The following CLEC9A variants were observed in gnomAD, a reference collection of about 807,000 sequenced individuals.
CLEC9A encodes the protein C-type lectin domain family 9 member A.
In CLEC9A, 24 loss-of-function variants were observed where a neutral mutation model predicts 30.0. The observed-to-expected ratio is 0.80, with a 90% CI of 0.58 to 1.13. The LOEUF (loss-of-function observed/expected upper bound fraction) is 1.13. Among genes scored for constraint, CLEC9A ranks in the 50% most tolerant of loss-of-function variants. The pLI, the probability that CLEC9A is intolerant of heterozygous loss-of-function variation, is 0.00. For synonymous variants in CLEC9A, 111 were observed against 96.8 expected (o/e 1.15, Z -0.86); for missense variants, 251 against 280.9 (o/e 0.89, Z 0.76).
chr12:10,050,965 G>T (rs538562529), intron 2 of CLEC9A, among the ~76,000 whole-genome samples: 2 of 152,278 alleles, frequency 1.3e-5, no homozygotes, highest in Admixed American at 6.5e-5. Context: ...AGCACTTTGG[G>T]AGGCCGAGGA....
At chr12:10,051,326 C>T (rs971183819) in intron 2 of CLEC9A, among the ~76,000 whole-genome samples, 1 of 152,106 alleles carries the variant, frequency 6.6e-6, no homozygotes, top group Non-Finnish European at 1.5e-5. Flanking sequence ...CTCAAATGAA[C>T]GCATTATCAG....
chr12:10,058,337 C>T (rs1865961231), intron 5 of CLEC9A, among the ~76,000 whole-genome samples: 1 of 152,088 alleles, frequency 6.6e-6, no homozygotes, highest in Admixed American at 6.6e-5. Context: ...CACTGTTCTA[C>T]ACTTGACTCT....
chr12:10,036,059 T>C (rs1049729274), intron 1 of CLEC9A, among the ~76,000 whole-genome samples: 1 of 152,242 alleles, frequency 6.6e-6, no homozygotes, highest in African/African-American at 2.4e-5. Flanking sequence ...TTAATCCAAC[T>C]GATTATCATT....
chr12:10,043,353 A>G (rs1374797895), intron 2 of CLEC9A: 1 of 189,026 alleles, frequency 5.3e-6, no homozygotes, highest in Non-Finnish European at 1.1e-5. Flanking sequence ...AGAAAGTAAT[A>G]CTAGAAACTT....
chr12:10,050,670 A>G (rs1865885731), intron 2 of CLEC9A, among the ~76,000 whole-genome samples: 1 of 152,192 alleles, frequency 6.6e-6, no homozygotes, highest in East Asian at 1.9e-4. Flanking sequence ...TTTGGGGAAA[A>G]GGAGTCTTTC....
chr12:10,040,087 T>A (rs1865779309), intron 1 of CLEC9A, among the ~76,000 whole-genome samples: 1 of 152,178 alleles, frequency 6.6e-6, no homozygotes, highest in African/African-American at 2.4e-5. Context: ...CCTCTCAAAG[T>A]TCTGGGATTA....
intron 3 of CLEC9A, 171 bp from the exon 4 acceptor site, chr12:10,052,459 T>G: frequency 6.7e-6 from 8 of 1,194,578 alleles, no homozygotes; most frequent in Non-Finnish European, 8.4e-6. Flanking sequence ...CTAAATTCAG[T>G]TCTCTCTCAT....
intron 7 of CLEC9A, among the ~76,000 whole-genome samples, chr12:10,063,882 C>A (rs546666907): frequency 6.6e-6 from 1 of 152,032 alleles, no homozygotes; most frequent in Non-Finnish European, 1.5e-5. Flanking sequence ...GTGGTGGGAG[C>A]CTGTAATTCC....
intron 1 of CLEC9A, among the ~76,000 whole-genome samples, chr12:10,037,299 C>A (rs949278666): frequency 6.6e-6 from 1 of 152,076 alleles, no homozygotes; most frequent in Non-Finnish European, 1.5e-5. Flanking sequence ...TGAGCGCTTT[C>A]GAACTACATT....
intron 2 of CLEC9A, among the ~76,000 whole-genome samples, chr12:10,048,146 T>C (rs1865863353): frequency 6.7e-6 from 1 of 148,304 alleles, no homozygotes; most frequent in South Asian, 2.1e-4. Context: ...GGCAGGAGAA[T>C]GGCGTGAACC....
At chr12:10,038,465 A>G (rs1359878338) in intron 1 of CLEC9A, among the ~76,000 whole-genome samples, 1 of 152,266 alleles carries the variant, frequency 6.6e-6, no homozygotes, top group Non-Finnish European at 1.5e-5. Flanking sequence ...AATATCTGCC[A>G]CTATAACCCA....
At chr12:10,037,175 G>A (rs1026657261) in intron 1 of CLEC9A, among the ~76,000 whole-genome samples, 3 of 152,062 alleles carry the variant, frequency 2.0e-5, no homozygotes, top group African/African-American at 7.2e-5. Context: ...GGGTGTTGGT[G>A]GTCATAGTAG....
At chr12:10,051,327 G>C (rs1488816) in intron 2 of CLEC9A, among the ~76,000 whole-genome samples, 2 of 152,134 alleles carry the variant, frequency 1.3e-5, no homozygotes, top group Middle Eastern at 3.4e-3. Context: ...TCAAATGAAC[G>C]CATTATCAGG....
chr12:10,057,737 T>C (rs907249821), intron 5 of CLEC9A, among the ~76,000 whole-genome samples: 1 of 152,062 alleles, frequency 6.6e-6, no homozygotes, highest in African/African-American at 2.4e-5. Context: ...CAAATACTAA[T>C]GGCCATTATT....
chr12:10,054,692 AT>A (rs1333822041), intron 5 of CLEC9A, among the ~76,000 whole-genome samples: 1 of 152,232 alleles, frequency 6.6e-6, no homozygotes, highest in Non-Finnish European at 1.5e-5. Context: ...TCTAATATAC[AT>A]TTAAATTAAA....
rs984098675 is a variant in CLEC9A at position 10,063,027 on chromosome 12, T to A, written c.320-28T>A. ...ATGTTGTTAATATTTTACAATAAGA[T>A]ACTAAAGTAAAATGTTTATATTCAA... On this transcript the variant is annotated intron_variant, in intron 6 of 8. Transcript: ENST00000355819. 1.9e-6 allele frequency: 3 copies of A among 1,565,252 alleles called. No homozygotes were observed. In the African/African-American group the frequency reaches 4.2e-5, roughly 22 times the overall value.
intron 1 of CLEC9A, among the ~76,000 whole-genome samples, chr12:10,039,850 T>C (rs1591884699): frequency 1.1e-5 from 1 of 91,012 alleles, no homozygotes; most frequent in East Asian, 3.0e-4. Flanking sequence ...GAAACAAAGT[T>C]CCGCTCTTTC....
chr12:10,033,642 G>C (rs971278629), intron 1 of CLEC9A, among the ~76,000 whole-genome samples: 18 of 152,104 alleles, frequency 1.2e-4, no homozygotes. Flanking sequence ...AGAAAATATT[G>C]TTCACCTTGG....
rs1196217103 is a variant in CLEC9A, at chr12:10,066,023, TA to T, written c.*395del. ...AAAATAAATAAATAAATTTGGCCTT[TA>T]AAACTCACTGTCTGTGAGATCTTTC... On this transcript the variant is annotated 3_prime_UTR_variant, in exon 9 of 9. Transcript: ENST00000355819. The T allele has an allele frequency of 1.3e-5, 2 of 154,200 alleles. No homozygotes were observed. The highest frequency in any genetic ancestry group is 2.9e-5 in the Non-Finnish European group (2 of 69,474). The allele number at this position is 154,200 out of a possible 1,614,324, so 9.6% of individuals were successfully genotyped here.
Sources: gnomAD v4.1 joint callset for allele counts (sites outside exome capture counted in the v4.1 genomes callset) on GRCh38, gnomAD v4.1.1 for gene constraint, MANE v1.5 for transcripts, NCBI Gene and HGNC (gene_info 2026-07-23, HGNC 2026-07-21) for gene names.